The following RAD51AP2 variants were observed in gnomAD, a reference collection of about 807,000 sequenced individuals.
RAD51AP2 encodes the protein RAD51 associated protein 2.
RAD51AP2 carries 67 observed loss-of-function variants against 85.5 expected under a neutral mutation model. That is an observed-to-expected ratio of 0.78 (90% CI 0.64 to 0.96). RAD51AP2 has a LOEUF of 0.96. Among genes scored for constraint, RAD51AP2 ranks in the 40% least tolerant of loss-of-function variants. The pLI is 0.00. For synonymous variants in RAD51AP2, 474 were observed against 446.5 expected (o/e 1.06, Z -0.78); for missense variants, 1,307 against 1,332.4 (o/e 0.98, Z 0.30).
chr2:17,518,245 C>CA lies in RAD51AP2; in HGVS notation c.170dup (p.Leu57PhefsTer3). ...ACTCCCAGACTTTTTCCGCCTCAGA[C>CA]AAGCGAGGCACCAGAGGCAGTCGCC... On this transcript the variant is annotated frameshift_variant, in exon 1 of 3. Coordinates refer to ENST00000399080, the MANE Select transcript of RAD51AP2 (RefSeq NM_001099218.3). LOFTEE classifies it high-confidence loss of function. The CA allele has an allele frequency of 6.2e-7, 1 of 1,614,190 alleles. No homozygotes were observed. Among genetic ancestry groups the CA allele is most frequent in the Non-Finnish European group, 8.5e-7 (1 of 1,180,024 alleles).
At position 17,518,018 on chromosome 2, in the gene RAD51AP2, G is replaced by A; in HGVS notation, c.398C>T (p.Ser133Phe). Residue 133 changes from serine (S) to phenylalanine (F), a missense_variant, in exon 1 of 3, where the codon TCT becomes TTT. This residue lies in a region of RAD51AP2 where 635 missense variants were observed against 643.6 expected (regional missense o/e 0.99). Coordinates refer to ENST00000399080, the MANE Select transcript of RAD51AP2 (RefSeq NM_001099218.3). ...CTCTCTGTCATGCAGGCCTGCCTCA[G>A]ACCTTCCTGAAGCCCTCAAATCAGA... ...PDSDLRASGR[S>F]EAGLHDREAF... The A allele has an allele frequency of 1.9e-6, 3 of 1,614,180 alleles. No homozygotes were observed. The highest frequency in any genetic ancestry group is 2.5e-6 in the Non-Finnish European group (3 of 1,180,034).
rs1434302773 is a variant in RAD51AP2, at chr2:17,510,633, T to C, written c.*171A>G. ...TGTACATTTTTATATCATATAAAAA[T>C]CCATAAAATATTTTATAACTTTGAA... On this transcript the variant is annotated 3_prime_UTR_variant, in exon 3 of 3. Transcript: ENST00000399080. The C allele has an allele frequency of 2.4e-6, 1 of 415,132 alleles. No individual in the cohort carries two copies. The highest frequency in any genetic ancestry group is 3.7e-5 in the East Asian group (1 of 27,260). The allele number at this position is 415,132 out of a possible 1,614,324, so 25.7% of individuals were successfully genotyped here.
At chr2:17,524,385 T>G in the RAD51AP2 span, among the ~76,000 whole-genome samples, 1 of 151,916 alleles carries the variant, frequency 6.6e-6, no homozygotes, top group Non-Finnish European at 1.5e-5. Context: ...TTCAGTATAA[T>G]AGGATAAGCG....
chr2:17,522,463 T>C (rs895676316), upstream of RAD51AP2, among the ~76,000 whole-genome samples: 1 of 152,004 alleles, frequency 6.6e-6, no homozygotes, highest in Non-Finnish European at 1.5e-5. Flanking sequence ...CTTCTAAATT[T>C]CTCCGCATTA....
chr2:17,528,611 G>A, the RAD51AP2 span, among the ~76,000 whole-genome samples: 2 of 152,104 alleles, frequency 1.3e-5, no homozygotes, highest in East Asian at 3.9e-4. Flanking sequence ...GGGAAGTCAA[G>A]GAAGGAGGAT....
chr2:17,516,925 T>C lies in RAD51AP2; in HGVS notation c.1491A>G (p.Gln497=). Residue 497 remains glutamine (Q), a synonymous_variant, in exon 1 of 3, where the codon CAA becomes CAG. Transcript: ENST00000399080. ...AAGGGTTGTTCACATGAAAGACTTT[T>C]TGTGTAGTATTGTATCTCAACTGTA... is the stretch of plus-strand genomic sequence containing the variant. ...NTLQLRYNTT[Q]KVFHVNNPFE... The C allele has an allele frequency of 6.3e-7, 1 of 1,596,050 alleles. No individual in the cohort carries two copies. Among genetic ancestry groups the C allele is most frequent in the South Asian group, 1.2e-5 (1 of 86,604 alleles).
chr2:17,528,047 T>A, the RAD51AP2 span, among the ~76,000 whole-genome samples: 1 of 152,232 alleles, frequency 6.6e-6, no homozygotes, highest in Admixed American at 6.5e-5. Flanking sequence ...TACTATCAGA[T>A]GATACCTATA....
chr2:17,518,362 G>A lies in RAD51AP2; in HGVS notation c.54C>T (p.Ser18=), dbSNP rs1662762819. The part of the protein sequence containing the change: ...PRMAELRKPT[S]SLTPPEDPDS... ...CCGGGTCCTCAGGAGGCGTTAAAGA[G>A]GAGGTAGGCTTTCTGAGCTCGGCCA... The change falls in exon 1 of 3, where the codon TCC becomes TCT. Residue 18 remains serine, a synonymous_variant. Transcript: ENST00000399080. 6.2e-6 allele frequency: 10 copies of A among 1,613,928 alleles called. No homozygotes were observed. The highest frequency in any genetic ancestry group is 1.7e-5 in the Admixed American group (1 of 60,024).
Position 17,510,973 on chromosome 2 carries a change from T to C in RAD51AP2, c.3329-18A>G. On this transcript the variant is annotated intron_variant, in intron 2 of 2. Coordinates refer to ENST00000399080, the MANE Select transcript of RAD51AP2 (RefSeq NM_001099218.3). The stretch of plus-strand genomic sequence containing the variant: ...GTGACTACCTAAAAATATAAGACAA[T>C]AAAAGTAAAAATTATCAATAGTTTC... 1 of 1,548,956 alleles carries C rather than the reference T, an allele frequency of 6.5e-7. No homozygotes were observed. Among genetic ancestry groups the C allele is most frequent in the Non-Finnish European group, 8.7e-7 (1 of 1,147,066 alleles).
rs1331294365 is a variant in RAD51AP2, at chr2:17,518,267, C to CGCCA, written c.145_148dup (p.Arg50LeufsTer11). 1.9e-6 allele frequency: 3 copies of CGCCA among 1,614,038 alleles called. No homozygotes were observed. The highest frequency in any genetic ancestry group is 1.3e-5 in the African/African-American group (1 of 74,914). On this transcript the variant is annotated frameshift_variant, in exon 1 of 3. Transcript: ENST00000399080. LOFTEE classifies it high-confidence loss of function. ...AGACAAGCGAGGCACCAGAGGCAGTCGCCAGCCCGCCTTAAAGACACCTCC... is the reference window on the plus strand; with the variant it reads ...AGACAAGCGAGGCACCAGAGGCAGTCGCCAGCCAGCCCGCCTTAAAGACACCTCC...
intron 2 of RAD51AP2, among the ~76,000 whole-genome samples, chr2:17,513,774 C>T (rs543656758): frequency 6.6e-6 from 1 of 152,258 alleles, no homozygotes; most frequent in Non-Finnish European, 1.5e-5. Flanking sequence ...TACATCAATA[C>T]AAATATCTGA....
At position 17,517,580 on chromosome 2, in the gene RAD51AP2, G is replaced by C. The variant is rs756857775; in HGVS notation, c.836C>G (p.Ala279Gly). Residue 279 changes from alanine to glycine, a missense_variant, in exon 1 of 3, where the codon GCG becomes GGG. Ala to Gly is a moderately conservative substitution (Grantham distance 60). This residue lies in a region of RAD51AP2 where 635 missense variants were observed against 643.6 expected (regional missense o/e 0.99). Coordinates refer to ENST00000399080, the MANE Select transcript of RAD51AP2 (RefSeq NM_001099218.3). ...KMSSVYLKEI[A>G]KKKNDKKEAY... ...CTCTTTTTTGTCATTCTTTTTCTTCGCTATTTCCTTTAAATAGACAGAGGA... is the reference window on the plus strand; with the variant it reads ...CTCTTTTTTGTCATTCTTTTTCTTCCCTATTTCCTTTAAATAGACAGAGGA... 2 of 1,613,046 alleles carry C rather than the reference G, an allele frequency of 1.2e-6. No homozygotes were observed. The highest frequency in any genetic ancestry group is 1.7e-6 in the Non-Finnish European group (2 of 1,179,818).
At chr2:17,512,744 T>C (rs548320221) in intron 2 of RAD51AP2, among the ~76,000 whole-genome samples, 1 of 152,358 alleles carries the variant, frequency 6.6e-6, no homozygotes, top group Non-Finnish European at 1.5e-5. Flanking sequence ...TTCAGGCTAA[T>C]TCTTGCCATA....
At chr2:17,514,579 G>C (rs1054099088) in intron 1 of RAD51AP2, among the ~76,000 whole-genome samples, 7 of 152,116 alleles carry the variant, frequency 4.6e-5, no homozygotes, top group Admixed American at 1.3e-4. Context: ...GACCAGCCAG[G>C]CCAACACAGT....
At chr2:17,533,206 C>T in the RAD51AP2 span, among the ~76,000 whole-genome samples, 1 of 152,214 alleles carries the variant, frequency 6.6e-6, no homozygotes, top group Admixed American at 6.5e-5. Flanking sequence ...AGACTTCCCA[C>T]CCAAGTTCCA....
At chr2:17,520,569 T>G (rs866036746), upstream of RAD51AP2, among the ~76,000 whole-genome samples, 105 of 152,212 alleles carry the variant, frequency 6.9e-4, no homozygotes, top group African/African-American at 2.5e-3. Context: ...GGTGTCTTCT[T>G]ATAGTTCAAC....
At position 17,515,661 on chromosome 2, in the gene RAD51AP2, T is replaced by C. The variant is rs1662636192; in HGVS notation, c.2755A>G (p.Arg919Gly). 7.4e-6 allele frequency: 12 copies of C among 1,612,496 alleles called. No individual in the cohort carries two copies. The East Asian group carries it at 2.7e-4, about 36-fold the overall frequency. The change falls in exon 1 of 3, where the codon AGA becomes GGA. Residue 919 changes from arginine (R) to glycine (G), a missense_variant. Around this residue, in one of 3 missense-constraint regions of RAD51AP2, gnomAD observed 668 missense variants for 671.0 expected, o/e 1.00. Transcript: ENST00000399080. ...REIANSKDFH[R>G]KNDSALYINH... ...ATATATAATGCAGAGTCATTCTTTC[T>C]GTGAAAATCCTTTGAATTAGCTATC...
chr2:17,525,358 G>T, the RAD51AP2 span, among the ~76,000 whole-genome samples: 29 of 152,070 alleles, frequency 1.9e-4, no homozygotes, highest in African/African-American at 6.5e-4. Context: ...CCCTTGAGCA[G>T]ATATTTGAAG....
In RAD51AP2 at chr2:17,514,057, G is replaced by A. The variant is rs267599012; in HGVS notation, c.3283C>T (p.Leu1095Phe). The change falls in exon 2 of 3, where the codon CTC (leucine) becomes TTC (phenylalanine). Residue 1095 changes from leucine (L) to phenylalanine (F), a missense_variant. By Grantham distance (22) the Leu-to-Phe change is conservative (BLOSUM62 0). Transcript: ENST00000399080. The part of the protein sequence containing the change: ...ETPLPKRPAF[L>F]PDECKEEFNY... ...AATTCTTCTTTACATTCATCAGGGA[G>A]AAAAGCAGGTCTTTTAGGTAAAGGT... 4 of 1,588,754 alleles carry A rather than the reference G, an allele frequency of 2.5e-6. No homozygotes were observed. Among genetic ancestry groups the A allele is most frequent in the South Asian group, 2.2e-5 (2 of 89,724 alleles).
Sources: gnomAD v4.1 joint callset for allele counts (sites outside exome capture counted in the v4.1 genomes callset) on GRCh38, gnomAD v4.1.1 for gene constraint, gnomAD v4.1.1 regional missense constraint, MANE v1.5 for transcripts, NCBI Gene and HGNC (gene_info 2026-07-23, HGNC 2026-07-21) for gene names.